SLC24A2: variants seen among roughly 807,000 people sequenced by gnomAD.
SLC24A2 encodes solute carrier family 24 member 2, also known as sodium/potassium/calcium exchanger 2.
A neutral mutation model predicts 62.0 loss-of-function variants in SLC24A2; 36 were observed. The ratio of observed to expected loss-of-function variants is 0.58; its 90% confidence interval spans 0.44 to 0.77. SLC24A2 has a LOEUF of 0.77. SLC24A2 is among the 30% of genes least tolerant of loss of function. The probability of loss-of-function intolerance (pLI) is 0.00; values close to 1 mark genes in which losing one functional copy is unlikely to be tolerated. For missense variants in SLC24A2, 846 were observed against 817.9 expected (o/e 1.03, Z -0.42); for synonymous variants, 358 against 294.0 (o/e 1.22, Z -2.23).
At chr9:19,593,423 A>G (rs184835962) in intron 5 of SLC24A2, among the ~76,000 whole-genome samples, 227 of 152,232 alleles carry the variant, frequency 1.5e-3, no homozygotes, top group Non-Finnish European at 2.6e-3. Context: ...GAGCTGCTCC[A>G]GTGAGGTTCT....
At chr9:20,074,373 T>G in the SLC24A2 span, among the ~76,000 whole-genome samples, 1 of 151,964 alleles carries the variant, frequency 6.6e-6, no homozygotes, top group South Asian at 2.1e-4. Flanking sequence ...CATTGCTCAA[T>G]GCACACATAC....
chr9:19,552,085 T>C (rs1371548500), intron 7 of SLC24A2, among the ~76,000 whole-genome samples: 2 of 152,162 alleles, frequency 1.3e-5, no homozygotes, highest in African/African-American at 4.8e-5. Flanking sequence ...TGGATCCTTT[T>C]TAAATATACA....
At position 19,510,950 on chromosome 9, in the gene SLC24A2, G is replaced by A. The variant is rs1219633927; in HGVS notation, c.*5203C>T. 6.6e-6 allele frequency: 1 copy of A among 152,218 alleles called. No individual in the cohort carries two copies. Among genetic ancestry groups the A allele is most frequent in the East Asian group, 1.9e-4 (1 of 5,196 alleles). The allele number at this position is 152,218 out of a possible 1,614,324, so 9.4% of individuals were successfully genotyped here. A position where few individuals can be genotyped will look rare whatever the true frequency, so the allele number is the denominator to read the frequency against. On this transcript the variant is annotated 3_prime_UTR_variant, in exon 11 of 11. Transcript: ENST00000341998. ...GTCCCTAGCCATATTAAGGGCCTCT[G>A]TGGAGTTTGGGTGGTTCTGAGCAAG...
intron 2 of SLC24A2, among the ~76,000 whole-genome samples, chr9:19,630,717 G>C (rs1010191756): frequency 6.6e-6 from 1 of 152,042 alleles, no homozygotes; most frequent in African/African-American, 2.4e-5. Flanking sequence ...TTTAGTTTTG[G>C]AATTTCCAGG....
chr9:19,677,394 C>G (rs1819591479), intron 2 of SLC24A2, among the ~76,000 whole-genome samples: 1 of 152,160 alleles, frequency 6.6e-6, no homozygotes, highest in African/African-American at 2.4e-5. Flanking sequence ...AACACATGGA[C>G]ACAGGGAGGG....
chr9:20,033,534 G>C, the SLC24A2 span, among the ~76,000 whole-genome samples: 5 of 152,300 alleles, frequency 3.3e-5, no homozygotes, highest in South Asian at 1.0e-3. Flanking sequence ...TTGTGACAAT[G>C]GACAGGATTC....
At chr9:20,148,699 G>C in the SLC24A2 span, among the ~76,000 whole-genome samples, 1 of 152,046 alleles carries the variant, frequency 6.6e-6, no homozygotes, top group African/African-American at 2.4e-5. Flanking sequence ...ATTACTAACT[G>C]GTGTATTATT....
At chr9:20,231,802 T>C in the SLC24A2 span, among the ~76,000 whole-genome samples, 7 of 144,154 alleles carry the variant, frequency 4.9e-5, no homozygotes, top group Non-Finnish European at 8.9e-5. Flanking sequence ...AGGGCATCCC[T>C]GTCTTGTGCC....
chr9:19,595,464 G>T (rs1306065234), intron 5 of SLC24A2, among the ~76,000 whole-genome samples: 1 of 152,180 alleles, frequency 6.6e-6, no homozygotes, highest in East Asian at 1.9e-4. Flanking sequence ...GATAAAGTAT[G>T]TTGAGGGTGA....
At chr9:19,929,096 G>T in the SLC24A2 span, 1 of 152,146 alleles carries the variant, frequency 6.6e-6, no homozygotes, top group South Asian at 2.1e-4. Flanking sequence ...GTTGGGTATC[G>T]CTTTGTCTGG....
chr9:20,042,644 AT>A, the SLC24A2 span, among the ~76,000 whole-genome samples: 1 of 152,178 alleles, frequency 6.6e-6, no homozygotes, highest in African/African-American at 2.4e-5. Context: ...GAATGCAGGC[AT>A]ACCTCCTTTT....
chr9:20,113,997 GA>G, the SLC24A2 span, among the ~76,000 whole-genome samples: 16 of 152,118 alleles, frequency 1.1e-4, no homozygotes, highest in Admixed American at 7.2e-4. Context: ...TTTTTGCCTG[GA>G]AAGTGATTCC....
the SLC24A2 span, among the ~76,000 whole-genome samples, chr9:20,258,585 G>A: frequency 6.6e-6 from 1 of 152,146 alleles, no homozygotes; most frequent in Non-Finnish European, 1.5e-5. Flanking sequence ...CTCTGACTTT[G>A]GGCTCTGGGA....
the SLC24A2 span, among the ~76,000 whole-genome samples, chr9:20,052,944 G>C: frequency 6.6e-6 from 1 of 152,094 alleles, no homozygotes; most frequent in Non-Finnish European, 1.5e-5. Flanking sequence ...ATTTCAATGA[G>C]TTTTCTGTAA....
the SLC24A2 span, among the ~76,000 whole-genome samples, chr9:20,128,569 C>G: frequency 6.6e-6 from 1 of 152,054 alleles, no homozygotes; most frequent in Non-Finnish European, 1.5e-5. Context: ...CCAGAATTTT[C>G]AAAGGTCTTT....
chr9:20,116,543 C>A, the SLC24A2 span, among the ~76,000 whole-genome samples: 1 of 152,174 alleles, frequency 6.6e-6, no homozygotes, highest in African/African-American at 2.4e-5. Flanking sequence ...GCATCCTGTG[C>A]TTAATTCTTT....
intron 9 of SLC24A2, among the ~76,000 whole-genome samples, chr9:19,526,007 C>T (rs141304999): frequency 1.3e-5 from 2 of 152,186 alleles, no homozygotes; most frequent in East Asian, 3.9e-4. Flanking sequence ...CCCATTTTCC[C>T]CCAACCTCTC....
intron 2 of SLC24A2, among the ~76,000 whole-genome samples, chr9:19,750,657 T>C (rs1312635752): frequency 6.6e-6 from 1 of 152,162 alleles, no homozygotes; most frequent in Non-Finnish European, 1.5e-5. Flanking sequence ...AGAATGTTTC[T>C]CTATTTCTAA....
At chr9:19,941,959 T>C in the SLC24A2 span, among the ~76,000 whole-genome samples, 1 of 152,168 alleles carries the variant, frequency 6.6e-6, no homozygotes, top group Admixed American at 6.6e-5. Context: ...CCTCAAAAGA[T>C]AAAATATGAA....
Sources: gnomAD v4.1 joint callset for allele counts (sites outside exome capture counted in the v4.1 genomes callset) on GRCh38, gnomAD v4.1.1 for gene constraint, MANE v1.5 for transcripts, NCBI Gene and HGNC (gene_info 2026-07-23, HGNC 2026-07-21) for gene names.